Variants in FHAD1 observed in about 807,000 individuals in gnomAD.
FHAD1 encodes forkhead-associated domain-containing protein 1.
In FHAD1, 146 loss-of-function variants were observed where a neutral mutation model predicts 191.3. The ratio of observed to expected loss-of-function variants is 0.76; its 90% CI spans 0.67 to 0.88. FHAD1 has a LOEUF of 0.88. Ranked by LOEUF, FHAD1 falls within the 40% of genes least tolerant of loss-of-function variation. The pLI, the probability that FHAD1 is intolerant of heterozygous loss-of-function variation, is 0.00. For missense variants in FHAD1, 1,635 were observed against 1,785.8 expected, an observed-to-expected ratio of 0.92 and a Z score of 1.52; for synonymous variants, 616 against 672.3, an observed-to-expected ratio of 0.92 and a Z score of 1.29.
intron 2 of FHAD1, among the ~76,000 whole-genome samples, chr1:15,271,679 T>C (rs546407584): frequency 2.6e-5 from 4 of 152,190 alleles, no homozygotes; most frequent in Non-Finnish European, 5.9e-5. Flanking sequence ...AAACTATGTA[T>C]GTAGGGTGTG....
In FHAD1 at chr1:15,318,083, T is replaced by G. The variant is rs1304837569; in HGVS notation, c.1365+155T>G. Reference sequence around the variant, plus strand: ...AGGGACAGGGACCAGGTTCACTGCATAAAGTAGTTGTGGCAGGACTTGAAC... The same window carrying G: ...AGGGACAGGGACCAGGTTCACTGCAGAAAGTAGTTGTGGCAGGACTTGAAC... On this transcript the variant is annotated intron_variant, in intron 10 of 33. Transcript: ENST00000688493. The surrounding 1 kb of genome is among the most constrained non-coding windows in gnomAD (Gnocchi z 4.1). Among the ~76,000 whole-genome samples the G allele has an allele frequency of 6.6e-6, 1 of 152,190 alleles. No homozygotes were observed. Among genetic ancestry groups the G allele is most frequent in the African/African-American group, 2.4e-5 (1 of 41,442 alleles).
At chr1:15,315,634 C>G (rs1306724759) in intron 8 of FHAD1, among the ~76,000 whole-genome samples, 3 of 151,854 alleles carry the variant, frequency 2.0e-5, no homozygotes, top group African/African-American at 4.8e-5. Flanking sequence ...TACAGGCGCC[C>G]GCCACCACAC....
At chr1:15,351,684 A>G (rs191769602) in intron 19 of FHAD1, among the ~76,000 whole-genome samples, 112 of 152,206 alleles carry the variant, frequency 7.4e-4, no homozygotes, top group Non-Finnish European at 1.4e-3. Context: ...GAAGGGAAAG[A>G]GCCCTCACCA....
rs79583870 is a variant in FHAD1 at position 15,361,028 on chromosome 1, A to G, written c.2962+325A>G. Among the ~76,000 whole-genome samples, 6 of 152,312 alleles carry G rather than the reference A, an allele frequency of 3.9e-5. No individual in the cohort carries two copies. In the East Asian group the frequency reaches 1.2e-3, roughly 29 times the overall value. ...TTTTCCACATGAAAACATCTCATGC[A>G]GGGGCCTTTCAAAGGTTTCTCTCTG... On this transcript the variant is annotated intron_variant, in intron 22 of 33. Coordinates refer to ENST00000688493, the MANE Select transcript of FHAD1 (RefSeq NM_001391957.1).
chr1:15,280,616 T>G (rs1660269975), intron 3 of FHAD1, among the ~76,000 whole-genome samples: 1 of 152,108 alleles, frequency 6.6e-6, no homozygotes, highest in African/African-American at 2.4e-5. Flanking sequence ...CGTGGCTGTT[T>G]CCTGCAGGTC....
intron 19 of FHAD1, 45 bp from the exon 20 acceptor site, chr1:15,352,832 C>T (rs1691351610): frequency 7.1e-7 from 1 of 1,409,568 alleles, no homozygotes; most frequent in Admixed American, 2.0e-5. Flanking sequence ...AGTGTCATTT[C>T]CCTTTGAGGG....
chr1:15,288,903 G>A (rs1349829180), intron 3 of FHAD1, among the ~76,000 whole-genome samples: 2 of 152,228 alleles, frequency 1.3e-5, no homozygotes, highest in Non-Finnish European at 2.9e-5. Flanking sequence ...GTGATCGTGT[G>A]CCGTGTGGTC....
chr1:15,345,736 A>T (rs1245782997), intron 18 of FHAD1: 3 of 582,690 alleles, frequency 5.1e-6, no homozygotes, highest in Non-Finnish European at 9.2e-6. Context: ...AAAAAATTGT[A>T]AACAGTGTAA....
In FHAD1 at chr1:15,368,681, T is replaced by G. The variant is rs1159754292; in HGVS notation, c.3315-689T>G. On this transcript the variant is annotated intron_variant, in intron 25 of 33. Transcript: ENST00000688493. The stretch of plus-strand genomic sequence containing the variant: ...TAGACCAGGCCCAGTGGCTCACGCC[T>G]GTAATCCCAGCACTTTGGGAGGCTG... Among the ~76,000 whole-genome samples the G allele has an allele frequency of 3.9e-5, 6 of 152,228 alleles. No individual in the cohort carries two copies. The East Asian group carries it at 1.2e-3, about 29-fold the overall frequency.
At chr1:15,353,612 G>A (rs1488663398) in intron 20 of FHAD1, among the ~76,000 whole-genome samples, 1 of 149,274 alleles carries the variant, frequency 6.7e-6, no homozygotes, top group Non-Finnish European at 1.5e-5. Flanking sequence ...GGCTGAGGCA[G>A]GAGAATCGCT....
chr1:15,369,196 C>T (rs1169384393), intron 25 of FHAD1, among the ~76,000 whole-genome samples, 174 bp from the exon 26 acceptor site: 1 of 152,240 alleles, frequency 6.6e-6, no homozygotes, highest in Admixed American at 6.5e-5. Flanking sequence ...GCCCTGGCCA[C>T]TCTCCCATAA....
chr1:15,350,755 G>A (rs1252727910), intron 19 of FHAD1, among the ~76,000 whole-genome samples: 1 of 152,208 alleles, frequency 6.6e-6, no homozygotes, highest in Non-Finnish European at 1.5e-5. Flanking sequence ...GGATACACCT[G>A]CCCTGGTGAG....
intron 1 of FHAD1, among the ~76,000 whole-genome samples, chr1:15,238,930 G>A (rs1376513583): frequency 2.6e-5 from 4 of 152,066 alleles, no homozygotes; most frequent in Non-Finnish European, 5.9e-5. Flanking sequence ...TTTAAGAGAC[G>A]GGGGTCTCAC....
intron 7 of FHAD1, among the ~76,000 whole-genome samples, chr1:15,309,668 T>C (rs1040258492): frequency 6.6e-6 from 1 of 151,238 alleles, no homozygotes; most frequent in African/African-American, 2.4e-5. Context: ...AGATTTTTTT[T>C]TTTTAGCGAT....
In FHAD1 at chr1:15,375,675, T is replaced by C. The variant is rs1405805515; in HGVS notation, c.3650T>C (p.Ile1217Thr). Residue 1217 changes from isoleucine (I) to threonine (T), a missense_variant, in exon 28 of 34, where the codon ATA becomes ACA. Ile to Thr is a moderately conservative substitution (Grantham distance 89). Transcript: ENST00000688493. ...NLRMENNVQK[I>T]LLDAKPDLPT... The stretch of plus-strand genomic sequence containing the variant: ...AGAATGGAAAACAATGTCCAGAAAA[T>C]ACTACTGGATGCAAAACCGGATTTG... 6 of 1,547,312 alleles carry C rather than the reference T, an allele frequency of 3.9e-6. No individual in the cohort carries two copies. In the African/African-American group the frequency reaches 8.2e-5, roughly 21 times the overall value.
In FHAD1 at chr1:15,375,587, TTTA is replaced by T; in HGVS notation, c.3578-13_3578-11del. ...TCCTGAGCCTTTCTTTTGAGTCTAC[TTTA>T]TTTCTTTTACAGATCATAAAGACCA... On this transcript the variant is annotated splice_polypyrimidine_tract_variant and intron_variant, in intron 27 of 33. Transcript: ENST00000688493. 1 of 1,511,558 alleles carries T rather than the reference TTTA, an allele frequency of 6.6e-7. No individual in the cohort carries two copies. 93.6% of individuals were successfully genotyped at this position (1,511,558 alleles called of 1,614,324 possible). A position where few individuals can be genotyped will look rare whatever the true frequency, so the allele number is the denominator to read the frequency against.
intron 33 of FHAD1, among the ~76,000 whole-genome samples, chr1:15,392,376 C>G (rs1374685562): frequency 1.3e-5 from 2 of 151,990 alleles, no homozygotes; most frequent in African/African-American, 4.8e-5. Context: ...ACTAAAAATA[C>G]AAAAAATTAG....
chr1:15,266,803 C>A (rs78002401), intron 2 of FHAD1, among the ~76,000 whole-genome samples: 3,562 of 152,210 alleles, frequency 0.023, 140 homozygotes, highest in African/African-American at 0.08. Flanking sequence ...ATAGTTTTAT[C>A]TTTTTAAAAG....
intron 4 of FHAD1, among the ~76,000 whole-genome samples, chr1:15,296,182 GCCCTTTCC>G (rs1666899848): frequency 6.6e-6 from 1 of 151,866 alleles, no homozygotes. Flanking sequence ...GAAGGAGGTG[GCCCTTTCC>G]CTTTCTAGTA....
Sources: gnomAD v4.1 joint callset for allele counts (sites outside exome capture counted in the v4.1 genomes callset) on GRCh38, gnomAD v4.1.1 for gene constraint, Gnocchi (gnomAD v3.1) non-coding constraint, MANE v1.5 for transcripts, NCBI Gene and HGNC (gene_info 2026-07-23, HGNC 2026-07-21) for gene names.